TANGO2: variants seen among roughly 807,000 people sequenced by gnomAD.
TANGO2 encodes transport and Golgi organization protein 2 homolog.
TANGO2 carries 26 observed loss-of-function variants against 39.1 expected under a neutral mutation model. The ratio of observed to expected loss-of-function variants is 0.67; its 90% confidence interval spans 0.49 to 0.92. The LOEUF is 0.92. Ranked by LOEUF, TANGO2 falls within the 40% of genes least tolerant of loss-of-function variation. The probability of loss-of-function intolerance (pLI) is 0.00; values close to 1 mark genes in which losing one functional copy is unlikely to be tolerated. For missense variants in TANGO2, 326 were observed against 360.1 expected (o/e 0.91, Z 0.77); for synonymous variants, 131 against 144.5 (o/e 0.91, Z 0.67).
At chr22:20,050,297 C>T (rs111797664) in intron 3 of TANGO2, among the ~76,000 whole-genome samples, 8,416 of 151,340 alleles carry the variant, frequency 0.056, 354 homozygotes, top group African/African-American at 0.095. Context: ...TTGAGACCCT[C>T]AACAGTGCCC....
chr22:20,053,724 C>T (rs749185402), intron 5 of TANGO2, 173 bp downstream of exon 5: 13 of 651,162 alleles, frequency 2.0e-5, no homozygotes, highest in East Asian at 6.2e-5. Flanking sequence ...TGTACCAACT[C>T]GGGTATTTGG....
rs766982741 is a variant in TANGO2 at position 20,061,653 on chromosome 22, G to C, written c.575G>C (p.Ser192Thr). 8 of 1,557,842 alleles carry C rather than the reference G, an allele frequency of 5.1e-6. No homozygotes were observed. The highest frequency in any genetic ancestry group is 3.9e-5 in the Admixed American group (2 of 51,514). Residue 192 changes from serine (S) to threonine (T), a missense_variant, in exon 7 of 9, where the codon AGC becomes ACC. Physicochemically the swap from Ser to Thr is moderately conservative, Grantham distance 58. Coordinates refer to ENST00000327374, the MANE Select transcript of TANGO2 (RefSeq NM_152906.7). The part of the protein sequence containing the change: ...QALPKDVLIA[S>T]LLDVLNNEEA... Reference sequence around the variant, plus strand: ...CTGCCCAAGGATGTGCTCATCGCCAGCCTCCTGGATGTGCTCAACAATGAA... The same window carrying C: ...CTGCCCAAGGATGTGCTCATCGCCACCCTCCTGGATGTGCTCAACAATGAA...
intron 3 of TANGO2, among the ~76,000 whole-genome samples, chr22:20,044,369 T>C (rs2044663879): frequency 6.6e-6 from 1 of 151,894 alleles, no homozygotes; most frequent in African/African-American, 2.4e-5. Context: ...CAAAAAAAAA[T>C]ACAAAAATTA....
chr22:20,042,044 C>A (rs1256621779), intron 2 of TANGO2, among the ~76,000 whole-genome samples: 1 of 151,696 alleles, frequency 6.6e-6, no homozygotes, highest in Non-Finnish European at 1.5e-5. Flanking sequence ...TGCAATGGTG[C>A]AGTCACAGTT....
In TANGO2 at chr22:20,052,584, G is replaced by A; in HGVS notation, c.265G>A (p.Gly89Ser). ...PQLDWQARGR[G>S]ELVTHFLTTD... ...GCTGGACTGGCAGGCCCGAGGGCGA[G>A]GTAAGGCGAGTGGGGTGGGGCCAAG... The change falls in exon 4 of 9, where the codon GGT (glycine) becomes AGT (serine). Residue 89 changes from glycine (G) to serine (S), a missense_variant and splice_region_variant. Physicochemically the swap from Gly to Ser is moderately conservative, Grantham distance 56. Transcript: ENST00000327374. 6.4e-7 allele frequency: 1 copy of A among 1,562,512 alleles called. No individual in the cohort carries two copies. The highest frequency in any genetic ancestry group is 8.7e-7 in the Non-Finnish European group (1 of 1,153,574).
intron 2 of TANGO2, among the ~76,000 whole-genome samples, chr22:20,041,050 T>C (rs1161412765): frequency 6.6e-6 from 1 of 152,240 alleles, no homozygotes; most frequent in Non-Finnish European, 1.5e-5. Context: ...TCCCCAGTTC[T>C]GCTGGCAAGA....
rs117898886 is a variant in TANGO2 at position 20,023,516 on chromosome 22, C to T, written c.-40+2270C>T. ...CTGGTGTGAGGCTGAAGAAATGCCC[C>T]GGAAGCATTGTGAAGATCTGAGGAG... On this transcript the variant is annotated intron_variant, in intron 1 of 8. Transcript: ENST00000327374. Among the ~76,000 whole-genome samples the T allele has an allele frequency of 3.3e-3, 498 of 152,258 alleles. 3 individuals carry two copies. The highest frequency in any genetic ancestry group is 5.6e-3 in the Non-Finnish European group (384 of 68,024).
chr22:20,055,603 A>G (rs750166547), intron 5 of TANGO2: 1 of 393,660 alleles, frequency 2.5e-6, no homozygotes, highest in Non-Finnish European at 4.7e-6. Flanking sequence ...TGATGTGGGG[A>G]TGGGGCTCAG....
chr22:20,060,393 G>A (rs2048164353), intron 6 of TANGO2, among the ~76,000 whole-genome samples: 1 of 151,618 alleles, frequency 6.6e-6, no homozygotes, highest in African/African-American at 2.4e-5. Context: ...CAAGTAGCTG[G>A]GACTGCAGAT....
intron 1 of TANGO2, among the ~76,000 whole-genome samples, chr22:20,027,105 A>G (rs1031591569): frequency 6.6e-6 from 1 of 152,216 alleles, no homozygotes; most frequent in African/African-American, 2.4e-5. Flanking sequence ...GAAAAGCAGG[A>G]GCCAGCACTT....
In TANGO2 at chr22:20,061,554, T is replaced by G. The variant is rs1403313184; in HGVS notation, c.476T>G (p.Leu159Arg). 16 of 1,606,986 alleles carry G rather than the reference T, an allele frequency of 1.0e-5. No homozygotes were observed. The highest frequency in any genetic ancestry group is 1.4e-5 in the Non-Finnish European group (16 of 1,177,272). The change falls in exon 7 of 9, where the codon CTG becomes CGG. Residue 159 changes from leucine to arginine, a missense_variant. By Grantham distance (102) the Leu-to-Arg change is moderately radical. Coordinates refer to ENST00000327374, the MANE Select transcript of TANGO2 (RefSeq NM_152906.7). ...GGCACCTACGGGCTGAGCAACGCGC[T>G]GCTGGAGACTCCCTGGAGGAAGCTG... ...TPGTYGLSNA[L>R]LETPWRKLCF...
At chr22:20,030,216 G>A (rs1176217039) in intron 1 of TANGO2, among the ~76,000 whole-genome samples, 1 of 147,862 alleles carries the variant, frequency 6.8e-6, no homozygotes, top group Non-Finnish European at 1.5e-5. Flanking sequence ...CTCTTAGGCT[G>A]GAGTGCAATG....
upstream of TANGO2, among the ~76,000 whole-genome samples, chr22:20,017,913 C>T (rs1229128932): frequency 6.6e-5 from 10 of 152,194 alleles, no homozygotes; most frequent in Admixed American, 3.9e-4. Context: ...CTTTCCTGCC[C>T]TGGATGCACC....
rs149713301 is a variant in TANGO2, at chr22:20,052,167, G to GC, written c.146-295dup. Among the ~76,000 whole-genome samples, 646 of 152,344 alleles carry GC rather than the reference G, an allele frequency of 4.2e-3. 12 individuals carry two copies. The highest frequency in any genetic ancestry group is 0.015 in the African/African-American group (616 of 41,586). The stretch of plus-strand genomic sequence containing the variant: ...GTGCTGCCCCTCAGCCTTGACGCTG[G>GC]CCCAAGTGGAAGGATGTGTTCTGCA... On this transcript the variant is annotated intron_variant, in intron 3 of 8. Coordinates refer to ENST00000327374, the MANE Select transcript of TANGO2 (RefSeq NM_152906.7).
intron 1 of TANGO2, among the ~76,000 whole-genome samples, chr22:20,026,679 G>C (rs772019148): frequency 6.6e-6 from 1 of 152,278 alleles, no homozygotes; most frequent in African/African-American, 2.4e-5. Context: ...TGAGACAAAG[G>C]CCTAGCAGTC....
chr22:20,058,934 T>TG (rs1181307235), intron 6 of TANGO2, among the ~76,000 whole-genome samples: 1 of 152,170 alleles, frequency 6.6e-6, no homozygotes, highest in Non-Finnish European at 1.5e-5. Flanking sequence ...ATGTTCACTT[T>TG]GGGGCAGGGT....
chr22:20,029,573 A>G (rs1453674903), intron 1 of TANGO2, among the ~76,000 whole-genome samples: 1 of 151,970 alleles, frequency 6.6e-6, no homozygotes, highest in Non-Finnish European at 1.5e-5. Flanking sequence ...TTCATATCTC[A>G]TAGATCCTCT....
chr22:20,018,502 C>T (rs1008436474), upstream of TANGO2, among the ~76,000 whole-genome samples: 2 of 152,182 alleles, frequency 1.3e-5, no homozygotes, highest in African/African-American at 4.8e-5. Context: ...TCACAGTTAC[C>T]TCATAGTCCT....
upstream of TANGO2, among the ~76,000 whole-genome samples, chr22:20,018,407 A>G (rs1345276638): frequency 6.6e-6 from 1 of 152,104 alleles, no homozygotes; most frequent in Non-Finnish European, 1.5e-5. Context: ...CGTTTCCTCC[A>G]TTTAGGAGTA....
Sources: gnomAD v4.1 joint callset for allele counts (sites outside exome capture counted in the v4.1 genomes callset) on GRCh38, gnomAD v4.1.1 for gene constraint, MANE v1.5 for transcripts, NCBI Gene and HGNC (gene_info 2026-07-23, HGNC 2026-07-21) for gene names.